Variants in KDM7A observed in about 807,000 individuals in gnomAD.
The protein encoded by KDM7A is lysine demethylase 7A, also known as lysine-specific demethylase 7A.
KDM7A carries 28 observed loss-of-function variants against 114.8 expected under a neutral mutation model. The ratio of observed to expected loss-of-function variants is 0.24; its 90% CI spans 0.18 to 0.33. The LOEUF (loss-of-function observed/expected upper bound fraction) is 0.33. Among genes scored for constraint, KDM7A ranks in the 10% least tolerant of loss-of-function variants. The pLI is 1.00. For missense variants in KDM7A, 942 were observed against 1,142.5 expected (o/e 0.82, Z 2.53); for synonymous variants, 423 against 397.8 (o/e 1.06, Z -0.75).
intron 10 of KDM7A, among the ~76,000 whole-genome samples, chr7:140,113,256 T>C (rs1287204417): frequency 1.3e-5 from 2 of 152,252 alleles, no homozygotes; most frequent in Non-Finnish European, 2.9e-5. Flanking sequence ...TTCCTAAATA[T>C]ACTTGAATTA....
intron 2 of KDM7A, among the ~76,000 whole-genome samples, chr7:140,134,243 C>T (rs1441990030): frequency 6.6e-6 from 1 of 152,210 alleles, no homozygotes; most frequent in Admixed American, 6.5e-5. Context: ...TGTAATTCTA[C>T]AGCTCTGGAA....
chr7:140,118,127 TTA>T (rs1207234395), intron 9 of KDM7A, among the ~76,000 whole-genome samples: 5 of 152,260 alleles, frequency 3.3e-5, no homozygotes, highest in Non-Finnish European at 7.3e-5. Context: ...TTTAATCTGT[TTA>T]TGTCTATTCT....
rs143275399 is a variant in KDM7A at position 140,126,223 on chromosome 7, T to G, written c.888+414A>C. ...ACTACACCCAGCCAAGAACTGGTAT[T>G]TTTATAGGCATTCCTGACTTATCCA... On this transcript the variant is annotated intron_variant, in intron 6 of 19. Transcript: ENST00000397560. Among the ~76,000 whole-genome samples, 13 of 152,274 alleles carry G rather than the reference T, an allele frequency of 8.5e-5. No homozygotes were observed. The East Asian group carries it at 2.5e-3, about 29-fold the overall frequency.
At position 140,097,580 on chromosome 7, in the gene KDM7A, C is replaced by G. The variant is rs909693750; in HGVS notation, c.1981G>C (p.Glu661Gln). Residue 661 changes from glutamate to glutamine, a missense_variant, in exon 15 of 20, where the codon GAG becomes CAG. Around this residue, in one of 4 missense-constraint regions of KDM7A, gnomAD observed 512 missense variants for 576.6 expected, o/e 0.89. Coordinates refer to ENST00000397560, the MANE Select transcript of KDM7A (RefSeq NM_030647.2). ...CACTCGGGTCCGGAGTCTTCTGACT[C>G]AGAAATATCAGAATATCCTGATGAT... is the stretch of plus-strand genomic sequence containing the variant. ...SRSSGYSDIS[E>Q]SEDSGPECTA... 1 of 1,607,976 alleles carries G rather than the reference C, an allele frequency of 6.2e-7. No individual in the cohort carries two copies. Among genetic ancestry groups the G allele is most frequent in the Non-Finnish European group, 8.5e-7 (1 of 1,174,594 alleles).
chr7:140,175,556 T>A (rs1794693525), intron 1 of KDM7A, among the ~76,000 whole-genome samples: 1 of 152,224 alleles, frequency 6.6e-6, no homozygotes, highest in Admixed American at 6.5e-5. Context: ...AAATAAGGAC[T>A]TTGGGAGCCC....
At chr7:140,141,889 G>A (rs1187008228) in intron 1 of KDM7A, among the ~76,000 whole-genome samples, 4 of 149,530 alleles carry the variant, frequency 2.7e-5, no homozygotes, top group Admixed American at 2.0e-4. Flanking sequence ...GTGAGACTCT[G>A]TCTCAAAAAA....
chr7:140,150,884 A>G (rs1450702338), intron 1 of KDM7A, among the ~76,000 whole-genome samples: 1 of 145,694 alleles, frequency 6.9e-6, no homozygotes, highest in Non-Finnish European at 1.5e-5. Flanking sequence ...GCTGGAGTGC[A>G]ATGGCACAAT....
rs749837050 is a variant in KDM7A, at chr7:140,091,844, C to T, written c.2691G>A (p.Pro897=). The change falls in exon 19 of 20, where the codon CCG becomes CCA. Residue 897 remains proline, a synonymous_variant. Transcript: ENST00000397560. ...TGCTGATAGGTGGTGGATTTGATGCCGGTCTCTTGGTGGGGTGAAGGGGCA... is the reference window on the plus strand; with the variant it reads ...TGCTGATAGGTGGTGGATTTGATGCTGGTCTCTTGGTGGGGTGAAGGGGCA... ...FSVPLHPTKR[P]ASNPPPISNQ... 17 of 1,612,232 alleles carry T rather than the reference C, an allele frequency of 1.1e-5. No homozygotes were observed. Among genetic ancestry groups the T allele is most frequent in the Admixed American group, 6.7e-5 (4 of 59,470 alleles).
intron 1 of KDM7A, among the ~76,000 whole-genome samples, chr7:140,166,418 C>A (rs1425241627): frequency 6.7e-6 from 1 of 148,168 alleles, no homozygotes; most frequent in African/African-American, 2.5e-5. Flanking sequence ...TGGCTCACTG[C>A]AGCTTCAACC....
intron 9 of KDM7A, among the ~76,000 whole-genome samples, chr7:140,117,613 T>C (rs1001320563): frequency 3.3e-5 from 5 of 152,198 alleles, no homozygotes; most frequent in African/African-American, 1.2e-4. Context: ...GAAGGTTCAA[T>C]AGTTGGGATT....
intron 1 of KDM7A, among the ~76,000 whole-genome samples, chr7:140,156,918 G>C (rs535564758): frequency 6.6e-6 from 1 of 152,162 alleles, no homozygotes; most frequent in Non-Finnish European, 1.5e-5. Context: ...CCCTTAACTT[G>C]CACATTTCCT....
In KDM7A at chr7:140,089,353, G is replaced by C. The variant is rs568005393; in HGVS notation, c.*1741C>G. 2 of 152,184 alleles carry C rather than the reference G, an allele frequency of 1.3e-5. No homozygotes were observed. Among genetic ancestry groups the C allele is most frequent in the South Asian group, 2.1e-4 (1 of 4,820 alleles). The allele number at this position is 152,184 out of a possible 1,614,324, so 9.4% of individuals were successfully genotyped here. ...TTTATCCCATGACATTTTGGAATGG[G>C]GACACAAGAAGTATTTCTCTTTGAA... is the stretch of plus-strand genomic sequence containing the variant. On this transcript the variant is annotated 3_prime_UTR_variant, in exon 20 of 20. Coordinates refer to ENST00000397560, the MANE Select transcript of KDM7A (RefSeq NM_030647.2).
intron 13 of KDM7A, 114 bp from the exon 14 acceptor site, chr7:140,099,147 T>C (rs1266424660): frequency 2.4e-6 from 2 of 839,072 alleles, no homozygotes; most frequent in South Asian, 3.5e-5. Context: ...ACTGTCCCCA[T>C]ATTTCATTCA....
rs187406264 is a variant in KDM7A, at chr7:140,161,090, G to T, written c.194+15654C>A. Among the ~76,000 whole-genome samples, 7 of 152,326 alleles carry T rather than the reference G, an allele frequency of 4.6e-5. No individual in the cohort carries two copies. The East Asian group carries it at 1.3e-3, about 29-fold the overall frequency. The stretch of plus-strand genomic sequence containing the variant: ...GGAATATGAATCAGACCTGTGACAA[G>T]TTAAATTACGTAAAAAGACTATAAA... On this transcript the variant is annotated intron_variant, in intron 1 of 19. Transcript: ENST00000397560.
chr7:140,144,710 T>TACACATAC (rs1554400029), intron 1 of KDM7A, among the ~76,000 whole-genome samples: 3 of 146,322 alleles, frequency 2.1e-5, no homozygotes, highest in African/African-American at 7.6e-5. Flanking sequence ...GTCCCCACCA[T>TACACATAC]ACACACACAC....
Position 140,088,888 on chromosome 7 carries a change from G to C in KDM7A, c.*2206C>G, listed in dbSNP as rs1300145782. 1 of 167,400 alleles carries C rather than the reference G, an allele frequency of 6.0e-6. No individual in the cohort carries two copies. The highest frequency in any genetic ancestry group is 1.3e-5 in the Non-Finnish European group (1 of 78,772). The allele number at this position is 167,400 out of a possible 1,614,324, so 10.4% of individuals were successfully genotyped here. A position where few individuals can be genotyped will look rare whatever the true frequency, so the allele number is the denominator to read the frequency against. ...TTTCATTTTAATTCATAAAAATAAAGTTTAATTTTAATTTTTGTGACTAAA... is the reference window on the plus strand; with the variant it reads ...TTTCATTTTAATTCATAAAAATAAACTTTAATTTTAATTTTTGTGACTAAA... On this transcript the variant is annotated 3_prime_UTR_variant, in exon 20 of 20. Coordinates refer to ENST00000397560, the MANE Select transcript of KDM7A (RefSeq NM_030647.2).
At chr7:140,156,560 G>T (rs184243054) in intron 1 of KDM7A, among the ~76,000 whole-genome samples, 301 of 152,270 alleles carry the variant, frequency 2.0e-3, no homozygotes, top group South Asian at 8.7e-3. Flanking sequence ...AGAAAGGGAG[G>T]GAGCCCTGGG....
chr7:140,154,367 A>T (rs1266888542), intron 1 of KDM7A, among the ~76,000 whole-genome samples: 1 of 151,678 alleles, frequency 6.6e-6, no homozygotes, highest in Non-Finnish European at 1.5e-5. Flanking sequence ...GGTGGCATGT[A>T]CCTGTAGCCC....
At chr7:140,100,612 TAATCTTA>T (rs1287556316) in intron 12 of KDM7A, among the ~76,000 whole-genome samples, 3 of 148,508 alleles carry the variant, frequency 2.0e-5, no homozygotes, top group Non-Finnish European at 4.5e-5. Flanking sequence ...TAGAACAGCA[TAATCTTA>T]AAACATTATA....
Sources: allele counts gnomAD v4.1 joint callset (sites outside exome capture counted in the v4.1 genomes callset), GRCh38; gene constraint gnomAD v4.1.1; regional missense constraint gnomAD v4.1.1; transcripts MANE v1.5; gene names NCBI Gene and HGNC (gene_info 2026-07-23, HGNC 2026-07-21).